The following ANK3 variants were observed in gnomAD, a reference collection of about 807,000 sequenced individuals.
ANK3 encodes ankyrin 3.
In ANK3, 57 loss-of-function variants were observed where a neutral mutation model predicts 370.9. That is an observed-to-expected ratio of 0.15 (90% CI 0.12 to 0.19). ANK3 has a LOEUF of 0.19. Among genes scored for constraint, ANK3 ranks in the 10% least tolerant of loss-of-function variants. The probability of loss-of-function intolerance (pLI) is 1.00; values close to 1 mark genes in which losing one functional copy is unlikely to be tolerated. For synonymous variants in ANK3, 1,929 were observed against 1,946.3 expected (o/e 0.99, Z 0.23); for missense variants, 4,439 against 5,302.1 (o/e 0.84, Z 5.06).
chr10:60,691,019 C>T (rs2079344592), intron 1 of ANK3, among the ~76,000 whole-genome samples: 1 of 152,298 alleles, frequency 6.6e-6, no homozygotes, highest in African/African-American at 2.4e-5. Context: ...CCATAAAGAA[C>T]TCTATTAATA....
chr10:60,721,921 A>G (rs1382367671), intron 1 of ANK3, among the ~76,000 whole-genome samples: 1 of 152,144 alleles, frequency 6.6e-6, no homozygotes, highest in Non-Finnish European at 1.5e-5. Flanking sequence ...AGTTGGGAGG[A>G]AACTCTGCAG....
At chr10:60,642,168 T>A (rs904709969) in intron 1 of ANK3, among the ~76,000 whole-genome samples, 1 of 151,116 alleles carries the variant, frequency 6.6e-6, no homozygotes, top group Non-Finnish European at 1.5e-5. Flanking sequence ...ATAGGTACAC[T>A]TTTACACTGT....
At chr10:60,239,283 G>T (rs888786945) in intron 7 of ANK3, among the ~76,000 whole-genome samples, 9 of 151,894 alleles carry the variant, frequency 5.9e-5, no homozygotes, top group Non-Finnish European at 7.4e-5. Context: ...TACAAATCCA[G>T]AAAGCTCAGG....
intron 25 of ANK3, among the ~76,000 whole-genome samples, chr10:60,118,499 A>G (rs947275877): frequency 4.6e-5 from 7 of 152,206 alleles, no homozygotes; most frequent in African/African-American, 1.7e-4. Flanking sequence ...TAAACCATTT[A>G]GGAAAGTTCC....
At chr10:60,338,202 A>G (rs1208111007) in intron 1 of ANK3, among the ~76,000 whole-genome samples, 1 of 152,194 alleles carries the variant, frequency 6.6e-6, no homozygotes, top group Non-Finnish European at 1.5e-5. Context: ...ACAGTTAACT[A>G]GTATAAAGAT....
chr10:60,655,680 G>A (rs116262123), intron 1 of ANK3, among the ~76,000 whole-genome samples: 1,896 of 152,126 alleles, frequency 0.012, 44 homozygotes, highest in African/African-American at 0.043. Flanking sequence ...TAGCCTAAGT[G>A]TACAGTGTTC....
At chr10:60,630,609 G>A (rs954202838) in intron 1 of ANK3, among the ~76,000 whole-genome samples, 7 of 152,192 alleles carry the variant, frequency 4.6e-5, no homozygotes, top group Middle Eastern at 3.2e-3. Context: ...GATCTGGGAG[G>A]AAGGAAGGGG....
chr10:60,466,533 A>G (rs1223311814), intron 2 of ANK3, among the ~76,000 whole-genome samples: 1 of 152,180 alleles, frequency 6.6e-6, no homozygotes, highest in Admixed American at 6.5e-5. Context: ...GGTTAAATAT[A>G]GTTACTATTT....
chr10:60,157,572 A>C (rs958189491), intron 23 of ANK3, among the ~76,000 whole-genome samples: 16 of 152,008 alleles, frequency 1.1e-4, no homozygotes, highest in African/African-American at 3.9e-4. Context: ...CTTTAAGATA[A>C]CAAAGAGCAG....
chr10:60,208,397 A>G (rs2096796351), intron 9 of ANK3, among the ~76,000 whole-genome samples, 164 bp from the exon 10 acceptor site: 1 of 152,256 alleles, frequency 6.6e-6, no homozygotes, highest in South Asian at 2.1e-4. Flanking sequence ...AGCTATTTTT[A>G]AAACTGGTCC....
At chr10:60,129,803 G>T (rs1016660802) in intron 25 of ANK3, among the ~76,000 whole-genome samples, 1 of 152,058 alleles carries the variant, frequency 6.6e-6, no homozygotes, top group African/African-American at 2.4e-5. Context: ...AGTGATGCTC[G>T]TAAGTGGTCT....
Position 60,068,948 on chromosome 10 carries a change from G to A in ANK3, c.11933C>T (p.Thr3978Ile). ...TTTCCTAACTTTAACTGTGCAGCTG[G>A]TGGTGGTGGTAGTGGTGGTAGTGGT... Reference protein sequence around the residue: ...TTTTTTTTTTTSCTVKVRKSQ... With the variant: ...TTTTTTTTTTISCTVKVRKSQ... Residue 3978 changes from threonine (T) to isoleucine (I), a missense_variant, in exon 37 of 44, where the codon ACC becomes ATC. Physicochemically the swap from Thr to Ile is moderately conservative, Grantham distance 89 (BLOSUM62 -1). This residue lies in a region of ANK3 where 496 missense variants were observed against 529.3 expected (regional missense o/e 0.94). Transcript: ENST00000280772. 2 of 1,613,980 alleles carry A rather than the reference G, an allele frequency of 1.2e-6. No individual in the cohort carries two copies. Among genetic ancestry groups the A allele is most frequent in the Non-Finnish European group, 1.7e-6 (2 of 1,179,972 alleles).
At chr10:60,204,995 G>A (rs1415834297) in intron 11 of ANK3, among the ~76,000 whole-genome samples, 1 of 152,098 alleles carries the variant, frequency 6.6e-6, no homozygotes, top group Non-Finnish European at 1.5e-5. Flanking sequence ...TCTAGTCTAT[G>A]GAAGTGCCAA....
At chr10:60,042,569 G>T in intron 43 of ANK3, 103 bp downstream of exon 43, 1 of 1,159,728 alleles carries the variant, frequency 8.6e-7, no homozygotes, top group Non-Finnish European at 1.2e-6. Flanking sequence ...CTGAAATTCA[G>T]TGAAAAGGAA....
At chr10:60,549,085 A>G (rs986569365) in intron 2 of ANK3, among the ~76,000 whole-genome samples, 1 of 151,970 alleles carries the variant, frequency 6.6e-6, no homozygotes, top group Non-Finnish European at 1.5e-5. Flanking sequence ...ATTATTAAGG[A>G]AACCAAGGTA....
rs567004448 is a variant in ANK3, at chr10:60,491,910, TG to T, written c.96+123275del. The stretch of plus-strand genomic sequence containing the variant: ...CAGTATTTTTGCATGGCTTAACATG[TG>T]GAAAGCACTTTGAACAGTGTCTGGT... On this transcript the variant is annotated intron_variant, in intron 2 of 43. Transcript: ENST00000373827. Among the ~76,000 whole-genome samples, 1,319 of 152,224 alleles carry T rather than the reference TG, an allele frequency of 8.7e-3. 5 individuals are homozygous for T. The highest frequency in any genetic ancestry group is 0.015 in the Non-Finnish European group (1,034 of 67,994).
chr10:60,059,874 A>G (rs772187674), intron 40 of ANK3: 7 of 1,614,124 alleles, frequency 4.3e-6, no homozygotes, highest in Non-Finnish European at 5.9e-6. Flanking sequence ...CCCATCACTC[A>G]GTCTACTAGG....
chr10:60,428,142 G>A (rs2063931360), intron 2 of ANK3, among the ~76,000 whole-genome samples: 1 of 152,190 alleles, frequency 6.6e-6, no homozygotes, highest in African/African-American at 2.4e-5. Context: ...AGTCTAGGCA[G>A]TGAGCTCTTC....
intron 1 of ANK3, among the ~76,000 whole-genome samples, chr10:60,284,568 C>CTCAT (rs200640378): frequency 0.019 from 2,929 of 152,232 alleles, 35 homozygotes; most frequent in South Asian, 0.035. Flanking sequence ...GAATTCTTAG[C>CTCAT]TCATTCATTC....
Sources: allele counts gnomAD v4.1 joint callset (sites outside exome capture counted in the v4.1 genomes callset), GRCh38; gene constraint gnomAD v4.1.1; regional missense constraint gnomAD v4.1.1; transcripts MANE v1.5; gene names NCBI Gene and HGNC (gene_info 2026-07-23, HGNC 2026-07-21).